NXPH1: variants seen among roughly 807,000 people sequenced by gnomAD.
The protein encoded by NXPH1 is neurexophilin 1.
A neutral mutation model predicts 23.7 loss-of-function variants in NXPH1; 5 were observed. The ratio of observed to expected loss-of-function variants is 0.21; its 90% CI spans 0.11 to 0.44. NXPH1 has a LOEUF of 0.44. NXPH1 is among the 20% of genes least tolerant of loss of function. The probability of loss-of-function intolerance (pLI) is 0.99; values close to 1 mark genes in which losing one functional copy is unlikely to be tolerated. For synonymous variants in NXPH1, 144 were observed against 122.2 expected, an observed-to-expected ratio of 1.18 and a Z score of -1.18; for missense variants, 324 against 321.6, an observed-to-expected ratio of 1.01 and a Z score of -0.06.
intron 2 of NXPH1, among the ~76,000 whole-genome samples, chr7:8,684,859 G>A (rs1235196296): frequency 6.6e-6 from 1 of 152,102 alleles, no homozygotes; most frequent in East Asian, 1.9e-4. Flanking sequence ...TACTTGCTGT[G>A]TTAATTATTT....
intron 2 of NXPH1, among the ~76,000 whole-genome samples, chr7:8,517,466 G>T (rs1049999297): frequency 1.3e-5 from 2 of 152,138 alleles, no homozygotes; most frequent in African/African-American, 4.8e-5. Flanking sequence ...TGTAAATTTT[G>T]TTTCTGGGGG....
At chr7:8,457,171 T>C (rs1448796084) in intron 2 of NXPH1, among the ~76,000 whole-genome samples, 3 of 152,232 alleles carry the variant, frequency 2.0e-5, no homozygotes, top group Non-Finnish European at 4.4e-5. Context: ...AATTCTTGGC[T>C]TTTCCACTTA....
intron 2 of NXPH1, among the ~76,000 whole-genome samples, chr7:8,554,132 G>A (rs182850897): frequency 4.0e-4 from 61 of 151,646 alleles, no homozygotes; most frequent in Non-Finnish European, 6.1e-4. Flanking sequence ...TCAACAAGAT[G>A]TGGGACTCAG....
At chr7:8,579,293 T>G (rs548148374) in intron 2 of NXPH1, among the ~76,000 whole-genome samples, 11 of 152,136 alleles carry the variant, frequency 7.2e-5, no homozygotes, top group African/African-American at 2.7e-4. Context: ...TACCTAAAAT[T>G]ATAACTCATT....
chr7:8,536,301 G>A (rs1001639894), intron 2 of NXPH1, among the ~76,000 whole-genome samples: 8 of 152,046 alleles, frequency 5.3e-5, no homozygotes, highest in Admixed American at 3.3e-4. Flanking sequence ...CACATATTGA[G>A]GGGAGTAAAC....
In NXPH1 at chr7:8,751,941, G is replaced by A. The variant is rs1408949560; in HGVS notation, c.*172G>A. On this transcript the variant is annotated 3_prime_UTR_variant, in exon 3 of 3. Coordinates refer to ENST00000405863, the MANE Select transcript of NXPH1 (RefSeq NM_152745.3). This position sits in a 1 kb window ranked among gnomAD's most constrained non-coding sequence, Gnocchi z 4.5. The stretch of plus-strand genomic sequence containing the variant: ...AACACTCTGATGTAATTTCTGCCCA[G>A]TCAGCTTCATCCCTCAGTATAATTG... 4.9e-6 allele frequency: 3 copies of A among 615,294 alleles called. No homozygotes were observed. Among genetic ancestry groups the A allele is most frequent in the Non-Finnish European group, 8.3e-6 (3 of 360,300 alleles). The allele number at this position is 615,294 out of a possible 1,614,324, so 38.1% of individuals were successfully genotyped here. A position where few individuals can be genotyped will look rare whatever the true frequency, so the allele number is the denominator to read the frequency against.
chr7:8,578,328 T>C (rs190821480), intron 2 of NXPH1, among the ~76,000 whole-genome samples: 91 of 152,342 alleles, frequency 6.0e-4, no homozygotes, highest in African/African-American at 2.1e-3. Context: ...TGCATGATTG[T>C]AACTTTGAAA....
intron 2 of NXPH1, among the ~76,000 whole-genome samples, chr7:8,650,011 T>A (rs1446038032): frequency 7.6e-6 from 1 of 130,988 alleles, no homozygotes; most frequent in African/African-American, 2.7e-5. Context: ...TTTTACCTGG[T>A]GAAACCTGTC....
At chr7:8,641,519 C>G (rs1820311752) in intron 2 of NXPH1, among the ~76,000 whole-genome samples, 1 of 152,128 alleles carries the variant, frequency 6.6e-6, no homozygotes, top group Non-Finnish European at 1.5e-5. Flanking sequence ...CTACTCCACT[C>G]CAATTCCCAC....
At chr7:8,668,457 T>G (rs1172008041) in intron 2 of NXPH1, among the ~76,000 whole-genome samples, 2 of 152,176 alleles carry the variant, frequency 1.3e-5, no homozygotes, top group Non-Finnish European at 2.9e-5. Flanking sequence ...GCAAGCTTAT[T>G]TGATTCTTGG....
intron 2 of NXPH1, among the ~76,000 whole-genome samples, chr7:8,648,807 C>G (rs534650076): frequency 6.6e-6 from 1 of 152,054 alleles, no homozygotes; most frequent in South Asian, 2.1e-4. Context: ...AAATGAGGGC[C>G]CTTCCTTAGA....
intron 2 of NXPH1, among the ~76,000 whole-genome samples, chr7:8,440,949 C>T (rs1584156092): frequency 6.6e-6 from 1 of 152,214 alleles, no homozygotes; most frequent in Non-Finnish European, 1.5e-5. Flanking sequence ...GAATAACACT[C>T]TTCTTGCGCT....
chr7:8,693,490 C>G (rs1364123944), intron 2 of NXPH1, among the ~76,000 whole-genome samples: 2 of 152,146 alleles, frequency 1.3e-5, no homozygotes, highest in African/African-American at 4.8e-5. Context: ...TAACTCCTGT[C>G]TGTTTATCTA....
At chr7:8,636,501 T>G (rs757568110) in intron 2 of NXPH1, among the ~76,000 whole-genome samples, 1 of 152,206 alleles carries the variant, frequency 6.6e-6, no homozygotes, top group Non-Finnish European at 1.5e-5. Context: ...TTTAAAACTT[T>G]CTGTGAGAAC....
intron 2 of NXPH1, among the ~76,000 whole-genome samples, chr7:8,567,173 T>C (rs535105892): frequency 1.3e-5 from 2 of 152,072 alleles, no homozygotes; most frequent in South Asian, 4.1e-4. Context: ...ACTCTAAATA[T>C]GATTTTATCT....
intron 2 of NXPH1, among the ~76,000 whole-genome samples, chr7:8,750,202 G>A (rs942888847): frequency 3.3e-5 from 5 of 152,074 alleles, no homozygotes; most frequent in East Asian, 1.9e-4. Flanking sequence ...TGTTTTGACC[G>A]GTTAAAATAT....
intron 2 of NXPH1, among the ~76,000 whole-genome samples, chr7:8,734,763 C>G (rs905892811): frequency 6.6e-6 from 1 of 152,106 alleles, no homozygotes; most frequent in African/African-American, 2.4e-5. Context: ...TTTTCTGTCT[C>G]ATTGATCTGT....
intron 2 of NXPH1, among the ~76,000 whole-genome samples, chr7:8,671,459 T>TAGCA (rs1447994510): frequency 3.9e-5 from 6 of 152,324 alleles, no homozygotes; most frequent in African/African-American, 1.4e-4. Context: ...CCCTCAGTTT[T>TAGCA]AGCAAGAGAA....
At chr7:8,669,517 G>A (rs975647773) in intron 2 of NXPH1, among the ~76,000 whole-genome samples, 1 of 152,172 alleles carries the variant, frequency 6.6e-6, no homozygotes, top group Admixed American at 6.5e-5. Context: ...GGTTCAGTCT[G>A]AGGGTATTAG....
Sources: allele counts gnomAD v4.1 joint callset (sites outside exome capture counted in the v4.1 genomes callset), GRCh38; gene constraint gnomAD v4.1.1; non-coding constraint Gnocchi (gnomAD v3.1); transcripts MANE v1.5; gene names NCBI Gene and HGNC (gene_info 2026-07-23, HGNC 2026-07-21).